Variants in AUTS2 observed in about 807,000 individuals in gnomAD.
The protein encoded by AUTS2 is activator of transcription and developmental regulator AUTS2, also known as autism susceptibility gene 2 protein.
Under a neutral mutation model 112.4 loss-of-function variants are expected in AUTS2, and 17 were observed. That is an observed-to-expected ratio of 0.15 (90% CI 0.10 to 0.23). The LOEUF (loss-of-function observed/expected upper bound fraction) is 0.23, where lower values mean the gene tolerates loss of function less well. Among genes scored for constraint, AUTS2 ranks in the 10% least tolerant of loss-of-function variants. The pLI is 1.00. For synonymous variants in AUTS2, 751 were observed against 702.7 expected (o/e 1.07, Z -1.09); for missense variants, 1,510 against 1,701.6 (o/e 0.89, Z 1.98).
In AUTS2 at chr7:69,876,522, ATATATATATATATATATATATATT is replaced by A. The variant is rs1458153750; in HGVS notation, c.310-22762_310-22739del. Among the ~76,000 whole-genome samples the A allele has an allele frequency of 9.5e-5, 4 of 42,324 alleles. 1 individual carries two copies. Among genetic ancestry groups the A allele is most frequent in the Middle Eastern group, 0.011 (1 of 94 alleles). The allele number at this position is 42,324 out of a possible 152,430, so 27.8% of individuals were successfully genotyped here. A position where few individuals can be genotyped will look rare whatever the true frequency, so the allele number is the denominator to read the frequency against. On this transcript the variant is annotated intron_variant, in intron 1 of 18. Coordinates refer to ENST00000342771, the MANE Select transcript of AUTS2 (RefSeq NM_015570.4). Reference sequence around the variant, plus strand: ...TATATATATATATATATATATATATATATATATATATATATATATATATTTTCAGTGTTCATATAACAAATTTCT... The same window carrying A: ...TATATATATATATATATATATATATATTCAGTGTTCATATAACAAATTTCT...
chr7:70,693,642 C>G (rs1313314378), intron 5 of AUTS2, among the ~76,000 whole-genome samples: 1 of 152,232 alleles, frequency 6.6e-6, no homozygotes, highest in Non-Finnish European at 1.5e-5. Flanking sequence ...CTACTATGTG[C>G]CAGGCCTTTT....
intron 2 of AUTS2, among the ~76,000 whole-genome samples, chr7:70,070,857 G>A (rs1802729381): frequency 1.4e-5 from 2 of 145,958 alleles, no homozygotes; most frequent in Non-Finnish European, 3.0e-5. Context: ...TAGCCCGGGC[G>A]ACACAGGGAG....
At chr7:70,625,295 A>G (rs978413518) in intron 5 of AUTS2, among the ~76,000 whole-genome samples, 1 of 152,156 alleles carries the variant, frequency 6.6e-6, no homozygotes, top group Non-Finnish European at 1.5e-5. Context: ...CTTAGCAGTA[A>G]ATAGCAGGAA....
chr7:70,096,788 A>G (rs1376521236), intron 2 of AUTS2, among the ~76,000 whole-genome samples: 1 of 152,154 alleles, frequency 6.6e-6, no homozygotes, highest in East Asian at 1.9e-4. Context: ...TTCAAGTACG[A>G]TATAGAAATC....
chr7:70,466,036 G>A (rs951803751), intron 5 of AUTS2, among the ~76,000 whole-genome samples: 2 of 152,248 alleles, frequency 1.3e-5, no homozygotes, highest in Admixed American at 6.5e-5. Flanking sequence ...GGAACACGGT[G>A]GAGAGAACAG....
chr7:70,711,378 A>C (rs1175837244), intron 6 of AUTS2, among the ~76,000 whole-genome samples: 1 of 152,204 alleles, frequency 6.6e-6, no homozygotes, highest in Non-Finnish European at 1.5e-5. Context: ...CTGGGGCTGC[A>C]CATCATCCTA....
chr7:70,747,194 T>A (rs1172314413), intron 6 of AUTS2, among the ~76,000 whole-genome samples: 1 of 152,234 alleles, frequency 6.6e-6, no homozygotes, highest in African/African-American at 2.4e-5. Flanking sequence ...CCTTCTGCCT[T>A]CTTTTTTGAA....
At chr7:70,479,784 C>T (rs568574142) in intron 5 of AUTS2, among the ~76,000 whole-genome samples, 33 of 152,252 alleles carry the variant, frequency 2.2e-4, no homozygotes, top group Non-Finnish European at 3.2e-4. Flanking sequence ...TTTGAGTCCC[C>T]GGGGTTTCCC....
At chr7:70,296,083 G>A (rs1788920804) in intron 4 of AUTS2, among the ~76,000 whole-genome samples, 1 of 152,122 alleles carries the variant, frequency 6.6e-6, no homozygotes, top group Admixed American at 6.5e-5. Flanking sequence ...GAGCCTTGCA[G>A]CTGACCTGTG....
At chr7:70,687,574 CCT>C (rs764172594) in intron 5 of AUTS2, among the ~76,000 whole-genome samples, 2 of 152,162 alleles carry the variant, frequency 1.3e-5, no homozygotes, top group South Asian at 2.1e-4. Flanking sequence ...TTTATTCCCC[CCT>C]GTGTCTCAAT....
intron 2 of AUTS2, among the ~76,000 whole-genome samples, chr7:70,047,182 T>C (rs147121490): frequency 3.9e-5 from 6 of 152,216 alleles, no homozygotes; most frequent in African/African-American, 1.4e-4. Context: ...TTAAGAAATA[T>C]GTCTTCAAAA....
At chr7:70,386,289 G>A (rs537085007) in intron 4 of AUTS2, among the ~76,000 whole-genome samples, 87 of 152,306 alleles carry the variant, frequency 5.7e-4, no homozygotes, top group African/African-American at 2.0e-3. Flanking sequence ...TTTTGGTATG[G>A]AAGGGAAATA....
Position 70,597,033 on chromosome 7 carries a change from C to T in AUTS2, c.691-101536C>T, listed in dbSNP as rs141959133. On this transcript the variant is annotated intron_variant, in intron 5 of 18. Transcript: ENST00000342771. ...TAAGAGTTTATATAATTATAGTGCA[C>T]TTTTTATTTCTTGGGGGAGCCATGG... is the stretch of plus-strand genomic sequence containing the variant. 5.6e-3 allele frequency among the ~76,000 whole-genome samples: 853 copies of T among 152,120 alleles called. 5 individuals carry two copies. Among genetic ancestry groups the T allele is most frequent in the South Asian group, 0.011 (51 of 4,796 alleles).
At chr7:69,910,391 G>A (rs1451031315) in intron 2 of AUTS2, among the ~76,000 whole-genome samples, 2 of 152,226 alleles carry the variant, frequency 1.3e-5, no homozygotes, top group African/African-American at 4.8e-5. Context: ...CGAGCCAGGC[G>A]TAGAGTGGCA....
intron 5 of AUTS2, among the ~76,000 whole-genome samples, chr7:70,615,605 G>GT (rs1436846954): frequency 1.5e-4 from 19 of 126,752 alleles, no homozygotes; most frequent in Non-Finnish European, 1.5e-4. Flanking sequence ...GTTGTTGTTG[G>GT]AAAAGCATTT....
intron 1 of AUTS2, among the ~76,000 whole-genome samples, chr7:69,639,732 A>G (rs1408854045): frequency 6.6e-6 from 1 of 152,192 alleles, no homozygotes. Flanking sequence ...GGGTTTGGAT[A>G]TGGCTGAAAT....
chr7:70,582,819 C>A (rs1802512449), intron 5 of AUTS2, among the ~76,000 whole-genome samples: 1 of 152,114 alleles, frequency 6.6e-6, no homozygotes, highest in East Asian at 1.9e-4. Context: ...ATTGTCCCAC[C>A]ATGTTGCTGC....
intron 6 of AUTS2, among the ~76,000 whole-genome samples, chr7:70,721,448 G>A (rs559605970): frequency 1.8e-4 from 28 of 152,172 alleles, no homozygotes; most frequent in African/African-American, 6.7e-4. Flanking sequence ...ACAGGCACCT[G>A]CCACAATGCC....
intron 5 of AUTS2, among the ~76,000 whole-genome samples, chr7:70,567,156 T>G (rs992266594): frequency 6.6e-6 from 1 of 152,224 alleles, no homozygotes; most frequent in African/African-American, 2.4e-5. Context: ...ATCAGTGTGT[T>G]CATGTCTCGA....
Sources: allele counts gnomAD v4.1 joint callset (sites outside exome capture counted in the v4.1 genomes callset), GRCh38; gene constraint gnomAD v4.1.1; transcripts MANE v1.5; gene names NCBI Gene and HGNC (gene_info 2026-07-23, HGNC 2026-07-21).